LRRC27: variants seen among roughly 807,000 people sequenced by gnomAD.
LRRC27 encodes the protein leucine rich repeat containing 27, also known as leucine-rich repeat-containing protein 27.
LRRC27 carries 57 observed loss-of-function variants against 55.0 expected under a neutral mutation model. The ratio of observed to expected loss-of-function variants is 1.04; its 90% confidence interval spans 0.84 to 1.29. LRRC27 has a LOEUF of 1.29. Among genes scored for constraint, LRRC27 ranks in the 50% most tolerant of loss-of-function variants. The pLI, the probability that LRRC27 is intolerant of heterozygous loss-of-function variation, is 0.00. For missense variants in LRRC27, 721 were observed against 651.5 expected (o/e 1.11, Z -1.16); for synonymous variants, 278 against 251.9 (o/e 1.10, Z -0.98).
chr10:132,331,930 A>G, upstream of LRRC27: 2 of 549,072 alleles, frequency 3.6e-6, no homozygotes, highest in Non-Finnish European at 5.5e-6. Flanking sequence ...CCCCACCGCA[A>G]GCGCAACCCC....
At chr10:132,364,784 GCCCACACTCACACCCACCCACA>G (rs2068956342) in intron 9 of LRRC27, among the ~76,000 whole-genome samples, 16 of 3,760 alleles carry the variant, frequency 4.3e-3, no homozygotes, top group South Asian at 7.7e-3. Flanking sequence ...CTACCTCCAC[GCCCACACTCACACCCACCCACA>G]CTTACACCCA....
intron 6 of LRRC27, chr10:132,351,321 C>T (rs1294410698): frequency 1.7e-5 from 6 of 358,752 alleles, no homozygotes; most frequent in African/African-American, 6.2e-5. Context: ...CGAGGCTGCA[C>T]GTCCTTCAGG....
At chr10:132,330,672 A>T (rs1362243809), upstream of LRRC27, among the ~76,000 whole-genome samples, 14 of 126,946 alleles carry the variant, frequency 1.1e-4, no homozygotes, top group South Asian at 2.8e-4. Context: ...CACACCCAGC[A>T]TTTTTTTTTT....
intron 3 of LRRC27, among the ~76,000 whole-genome samples, chr10:132,341,778 A>G (rs758521976): frequency 3.9e-5 from 6 of 152,240 alleles, no homozygotes; most frequent in Non-Finnish European, 7.3e-5. Flanking sequence ...CTCACTGCAC[A>G]TCTTAGGAAA....
In LRRC27 at chr10:132,381,038, A is replaced by G. The variant is rs1226645469; in HGVS notation, c.*5796A>G. Reference sequence around the variant, plus strand: ...TGTGTGATGGTTCATATTAAATGTCAACTTGATTAGATTGAAGAATGTAAA... The same window carrying G: ...TGTGTGATGGTTCATATTAAATGTCGACTTGATTAGATTGAAGAATGTAAA... On this transcript the variant is annotated 3_prime_UTR_variant, in exon 11 of 11. Transcript: ENST00000368614. Among the ~76,000 whole-genome samples the G allele has an allele frequency of 6.6e-6, 1 of 152,194 alleles. No homozygotes were observed. The highest frequency in any genetic ancestry group is 1.5e-5 in the Non-Finnish European group (1 of 68,024).
rs187809741 is a variant in LRRC27 at position 132,373,996 on chromosome 10, G to A, written c.1417-1070G>A. 3.4e-4 allele frequency among the ~76,000 whole-genome samples: 52 copies of A among 152,274 alleles called. No homozygotes were observed. In the East Asian group the frequency reaches 9.6e-3, roughly 28 times the overall value. On this transcript the variant is annotated intron_variant, in intron 10 of 10. Coordinates refer to ENST00000368614, the MANE Select transcript of LRRC27 (RefSeq NM_030626.3). ...AGTAACAAGTAACATTGACCAAGTCGCAGAGCTGAGCCGTGAGTGCTGCTC... is the reference window on the plus strand; with the variant it reads ...AGTAACAAGTAACATTGACCAAGTCACAGAGCTGAGCCGTGAGTGCTGCTC...
chr10:132,352,016 C>T (rs2132947340), intron 7 of LRRC27, among the ~76,000 whole-genome samples: 1 of 115,932 alleles, frequency 8.6e-6, no homozygotes, highest in African/African-American at 4.0e-5. Flanking sequence ...CCGTGTGGGG[C>T]AGGCGCTGAG....
intron 10 of LRRC27, among the ~76,000 whole-genome samples, chr10:132,369,985 T>G (rs1466872262): frequency 6.6e-6 from 1 of 152,092 alleles, no homozygotes; most frequent in Non-Finnish European, 1.5e-5. Flanking sequence ...CTCCATTGAC[T>G]TTCGTGCCAC....
At chr10:132,367,499 C>T (rs1030482096) in intron 10 of LRRC27, among the ~76,000 whole-genome samples, 3 of 152,216 alleles carry the variant, frequency 2.0e-5, no homozygotes, top group African/African-American at 7.2e-5. Flanking sequence ...CAAAAATTCT[C>T]AACATTCAGA....
chr10:132,354,603 C>T (rs973596041), intron 7 of LRRC27, among the ~76,000 whole-genome samples: 6 of 152,296 alleles, frequency 3.9e-5, no homozygotes, highest in East Asian at 1.9e-4. Flanking sequence ...TGGGAGAGGA[C>T]GCAGCCAGGC....
intron 5 of LRRC27, among the ~76,000 whole-genome samples, chr10:132,345,380 G>A (rs12261440): frequency 0.086 from 13,170 of 152,272 alleles, 789 homozygotes; most frequent in East Asian, 0.17. Flanking sequence ...GAAATGTGTG[G>A]GTTAGGTCTT....
chr10:132,357,587 T>C (rs748954763), intron 8 of LRRC27, among the ~76,000 whole-genome samples: 2 of 152,104 alleles, frequency 1.3e-5, no homozygotes, highest in African/African-American at 4.8e-5. Context: ...AAAACTCTCA[T>C]TGGTCTGGAA....
Position 132,344,485 on chromosome 10 carries a change from T to C in LRRC27, c.401-13T>C, listed in dbSNP as rs1564828939. On this transcript the variant is annotated splice_polypyrimidine_tract_variant and intron_variant, in intron 4 of 10. Coordinates refer to ENST00000368614, the MANE Select transcript of LRRC27 (RefSeq NM_030626.3). ...ATATAGAATGCTGACAGTTTTTTTTTCCTCCACTGCAGGGAGCGTAACCAC... is the reference window on the plus strand; with the variant it reads ...ATATAGAATGCTGACAGTTTTTTTTCCCTCCACTGCAGGGAGCGTAACCAC... 1.9e-6 allele frequency: 3 copies of C among 1,598,280 alleles called. No homozygotes were observed. The highest frequency in any genetic ancestry group is 1.7e-5 in the Admixed American group (1 of 58,598).
At chr10:132,344,475 A>C (rs750719435) in intron 4 of LRRC27, 23 bp from the exon 5 acceptor site, 1 of 1,593,726 alleles carries the variant, frequency 6.3e-7, no homozygotes, top group South Asian at 1.1e-5. Flanking sequence ...GAATGCTGAC[A>C]GTTTTTTTTT....
intron 2 of LRRC27, chr10:132,336,850 CATTAATGACAGT>C (rs1238482295): frequency 4.1e-6 from 3 of 739,114 alleles, no homozygotes; most frequent in Non-Finnish European, 4.9e-6. Context: ...CAACTAGCAG[CATTAATGACAGT>C]ATTGTAAAAA....
At chr10:132,353,303 G>A (rs41290023) in intron 7 of LRRC27, 74 of 1,166,168 alleles carry the variant, frequency 6.3e-5, no homozygotes, top group Admixed American at 1.2e-4. Context: ...TCCTGTGGGC[G>A]GCTGCAGCCC....
chr10:132,361,942 C>T (rs761173246), intron 9 of LRRC27, among the ~76,000 whole-genome samples: 27 of 152,156 alleles, frequency 1.8e-4, no homozygotes, highest in African/African-American at 3.4e-4. Flanking sequence ...ACCTCACCGC[C>T]GCTGCCTCCC....
At chr10:132,339,751 C>G (rs2698773) in intron 3 of LRRC27, among the ~76,000 whole-genome samples, 23,222 of 152,242 alleles carry the variant, frequency 0.15, 2,186 homozygotes, top group Non-Finnish European at 0.23. Flanking sequence ...TAGCCTTACA[C>G]AGTTCTGGAG....
At chr10:132,332,023 A>G, upstream of LRRC27, 1 of 267,880 alleles carries the variant, frequency 3.7e-6, no homozygotes, top group Non-Finnish European at 6.7e-6. Flanking sequence ...AGGGGCACCC[A>G]CACCCCGCCC....
Sources: gnomAD v4.1 joint callset for allele counts (sites outside exome capture counted in the v4.1 genomes callset) on GRCh38, gnomAD v4.1.1 for gene constraint, MANE v1.5 for transcripts, NCBI Gene and HGNC (gene_info 2026-07-23, HGNC 2026-07-21) for gene names.